FGFR2: variants seen among roughly 807,000 people sequenced by gnomAD.
FGFR2 encodes fibroblast growth factor receptor 2, also known as BEK fibroblast growth factor receptor.
A neutral mutation model predicts 95.9 loss-of-function variants in FGFR2; 19 were observed. The ratio of observed to expected loss-of-function variants is 0.20; its 90% confidence interval spans 0.14 to 0.29. FGFR2 has a LOEUF of 0.29. Ranked by LOEUF, FGFR2 falls within the 10% of genes least tolerant of loss-of-function variation. FGFR2 has a pLI of 1.00. For synonymous variants in FGFR2, 392 were observed against 393.3 expected, an observed-to-expected ratio of 1.00 and a Z score of 0.04; for missense variants, 707 against 1,056.9, an observed-to-expected ratio of 0.67 and a Z score of 4.59.
At chr10:121,515,397 A>G in intron 8 of FGFR2, 78 bp from the exon 9 acceptor site, 2 of 1,404,772 alleles carry the variant, frequency 1.4e-6, no homozygotes, top group Non-Finnish European at 2.0e-6. Context: ...ATCATAGCAC[A>G]ACCAAAGGAA....
intron 2 of FGFR2, among the ~76,000 whole-genome samples, chr10:121,589,365 A>G (rs528694903): frequency 3.3e-5 from 5 of 152,262 alleles, no homozygotes; most frequent in African/African-American, 1.2e-4. Flanking sequence ...TTTAAACACG[A>G]CCCCAGTTAT....
At chr10:121,501,059 C>A (rs896698759) in intron 10 of FGFR2, 112 bp from the exon 11 acceptor site, 3 of 1,475,118 alleles carry the variant, frequency 2.0e-6, no homozygotes, top group Non-Finnish European at 2.8e-6. Flanking sequence ...GCATGGAGTG[C>A]TTATCATATG....
intron 6 of FGFR2, among the ~76,000 whole-genome samples, chr10:121,534,026 A>C (rs1380841999): frequency 6.6e-6 from 1 of 151,408 alleles, no homozygotes; most frequent in Non-Finnish European, 1.5e-5. Flanking sequence ...CATTAATCAA[A>C]GGTGGAAACC....
chr10:121,508,719 A>G (rs1848635042), intron 9 of FGFR2, among the ~76,000 whole-genome samples: 2 of 152,268 alleles, frequency 1.3e-5, no homozygotes, highest in South Asian at 2.1e-4. Flanking sequence ...ATTCAGATTA[A>G]ATGTACAAAC....
At chr10:121,499,849 A>G (rs1395150330) in intron 11 of FGFR2, among the ~76,000 whole-genome samples, 1 of 152,254 alleles carries the variant, frequency 6.6e-6, no homozygotes, top group Non-Finnish European at 1.5e-5. Flanking sequence ...GGAGTCACTC[A>G]GATAAACAGC....
intron 4 of FGFR2, among the ~76,000 whole-genome samples, chr10:121,561,773 A>G (rs949543376): frequency 1.3e-5 from 2 of 152,234 alleles, no homozygotes; most frequent in African/African-American, 4.8e-5. Flanking sequence ...TGAGGGGAGA[A>G]ACTATTTGCA....
chr10:121,506,357 C>CAAAAAA (rs10678814), intron 9 of FGFR2, among the ~76,000 whole-genome samples: 2 of 101,164 alleles, frequency 2.0e-5, no homozygotes, highest in East Asian at 5.6e-4. Flanking sequence ...GACTCCGTCT[C>CAAAAAA]AAAAAAAAAA....
Position 121,520,423 on chromosome 10 carries a change from T to C in FGFR2, c.749-254A>G, listed in dbSNP as rs199793152. On this transcript the variant is annotated intron_variant, in intron 6 of 17. Coordinates refer to ENST00000358487, the MANE Select transcript of FGFR2 (RefSeq NM_000141.5). ...AAAGAACTTATTACATCCCAGGTTA[T>C]TGGCTGTCCACTGCCACCTGATGAA... Among the ~76,000 whole-genome samples the C allele has an allele frequency of 1.6e-4, 24 of 152,350 alleles. No homozygotes were observed. The East Asian group carries it at 4.1e-3, about 26-fold the overall frequency.
intron 13 of FGFR2, among the ~76,000 whole-genome samples, chr10:121,494,528 C>T (rs962395493): frequency 1.3e-5 from 2 of 152,106 alleles, no homozygotes; most frequent in Non-Finnish European, 2.9e-5. Context: ...GTGATCAAGA[C>T]CAGAATATCA....
At chr10:121,575,911 C>T (rs1005675778) in intron 2 of FGFR2, among the ~76,000 whole-genome samples, 3 of 148,390 alleles carry the variant, frequency 2.0e-5, no homozygotes, top group Non-Finnish European at 4.5e-5. Flanking sequence ...AAAGGCCGGG[C>T]GCAGTGGCTC....
intron 5 of FGFR2, among the ~76,000 whole-genome samples, chr10:121,545,790 G>T (rs970674452): frequency 6.6e-6 from 1 of 152,130 alleles, no homozygotes; most frequent in African/African-American, 2.4e-5. Flanking sequence ...AAAACAACCA[G>T]TTTAGTAGTG....
rs758829154 is a variant in FGFR2 at position 121,488,028 on chromosome 10, T to C, written c.1949A>G (p.Asp650Gly). The change falls in exon 14 of 18, where the codon GAT becomes GGT. Residue 650 changes from aspartate to glycine, a missense_variant. By Grantham distance (94) the Asp-to-Gly change is moderately conservative. Transcript: ENST00000358487. The part of the protein sequence containing the change: ...MKIADFGLAR[D>G]INNIDYYKKT... ...TTTGTAATAGTCTATATTGTTGATA[T>C]CTCTGGCGAGTCCAAAGTCTGCTAT... 3.0e-5 allele frequency: 48 copies of C among 1,614,170 alleles called. No individual in the cohort carries two copies. The highest frequency in any genetic ancestry group is 3.6e-5 in the Non-Finnish European group (42 of 1,180,020).
At position 121,518,075 on chromosome 10, in the gene FGFR2, C is replaced by T. The variant is rs370950918; in HGVS notation, c.940-612G>A. 1 of 492,060 alleles carries T rather than the reference C, an allele frequency of 2.0e-6. No individual in the cohort carries two copies. The highest frequency in any genetic ancestry group is 4.0e-6 in the Non-Finnish European group (1 of 252,464). 30.5% of individuals were successfully genotyped at this position (492,060 alleles called of 1,614,324 possible). A position where few individuals can be genotyped will look rare whatever the true frequency, so the allele number is the denominator to read the frequency against. On this transcript the variant is annotated intron_variant, in intron 7 of 17. Transcript: ENST00000358487. The surrounding 1 kb of genome is among the most constrained non-coding windows in gnomAD (Gnocchi z 4.0). ...GGTAACCAAAAAAACTGGGCTTTTT[C>T]TCTTTTCATTAATAAACATTTGGAT...
chr10:121,586,213 TAG>T (rs1413080635), intron 2 of FGFR2, among the ~76,000 whole-genome samples: 1 of 152,192 alleles, frequency 6.6e-6, no homozygotes, highest in Non-Finnish European at 1.5e-5. Context: ...ATAATTGATA[TAG>T]AGTTTATTAA....
intron 4 of FGFR2, among the ~76,000 whole-genome samples, chr10:121,552,117 C>T (rs1172342283): frequency 6.6e-6 from 1 of 151,640 alleles, no homozygotes; most frequent in Non-Finnish European, 1.5e-5. Flanking sequence ...ATAACCCTAC[C>T]ACCCCACCTA....
At chr10:121,523,090 A>C (rs1268508286) in intron 6 of FGFR2, among the ~76,000 whole-genome samples, 2 of 152,208 alleles carry the variant, frequency 1.3e-5, no homozygotes, top group African/African-American at 4.8e-5. Context: ...AAGAAAGAAA[A>C]AGTGCTAGTG....
chr10:121,548,178 G>C (rs1854807003), intron 5 of FGFR2, among the ~76,000 whole-genome samples: 1 of 140,780 alleles, frequency 7.1e-6, no homozygotes, highest in African/African-American at 2.6e-5. Flanking sequence ...CTCCACCAGA[G>C]AACCAGAAAG....
At chr10:121,583,793 G>A (rs1053776119) in intron 2 of FGFR2, among the ~76,000 whole-genome samples, 1 of 151,890 alleles carries the variant, frequency 6.6e-6, no homozygotes, top group South Asian at 2.1e-4. Flanking sequence ...AGGAAGAAGG[G>A]AAATTTTTCT....
chr10:121,549,674 G>C (rs569616993), intron 5 of FGFR2, among the ~76,000 whole-genome samples: 1 of 152,278 alleles, frequency 6.6e-6, no homozygotes, highest in South Asian at 2.1e-4. Flanking sequence ...GACAGCAGCT[G>C]CCCTATGAAG....
Sources: allele counts gnomAD v4.1 joint callset (sites outside exome capture counted in the v4.1 genomes callset), GRCh38; gene constraint gnomAD v4.1.1; non-coding constraint Gnocchi (gnomAD v3.1); transcripts MANE v1.5; gene names NCBI Gene and HGNC (gene_info 2026-07-23, HGNC 2026-07-21).